KCNH5: variants seen among roughly 807,000 people sequenced by gnomAD.
The protein encoded by KCNH5 is potassium voltage-gated channel subfamily H member 5.
KCNH5 carries 46 observed loss-of-function variants against 96.1 expected under a neutral mutation model. The ratio of observed to expected loss-of-function variants is 0.48; its 90% CI spans 0.38 to 0.61. The LOEUF is 0.61. KCNH5 is among the 20% of genes least tolerant of loss of function. KCNH5 has a pLI of 0.00. For synonymous variants in KCNH5, 439 were observed against 449.8 expected (o/e 0.98, Z 0.30); for missense variants, 907 against 1,225.8 (o/e 0.74, Z 3.88).
At chr14:62,990,470 G>GA (rs959215331) in intron 4 of KCNH5, among the ~76,000 whole-genome samples, 17 of 148,926 alleles carry the variant, frequency 1.1e-4, no homozygotes, top group South Asian at 2.1e-4. Context: ...CTTTCTTGAA[G>GA]AAAAAAAATC....
chr14:62,943,161 T>G (rs1363851090), intron 7 of KCNH5, among the ~76,000 whole-genome samples: 1 of 152,122 alleles, frequency 6.6e-6, no homozygotes, highest in Non-Finnish European at 1.5e-5. Flanking sequence ...TTTTAGAAAA[T>G]TATAATGAAA....
rs921332322 is a variant in KCNH5, at chr14:62,708,967, C to T, written c.2020-512G>A. Among the ~76,000 whole-genome samples, 25 of 152,104 alleles carry T rather than the reference C, an allele frequency of 1.6e-4. 1 individual carries two copies. The highest frequency in any genetic ancestry group is 1.2e-3 in the Admixed American group (18 of 15,282). On this transcript the variant is annotated intron_variant, in intron 10 of 10. Coordinates refer to ENST00000322893, the MANE Select transcript of KCNH5 (RefSeq NM_139318.5). Reference sequence around the variant, plus strand: ...ATTTTTAATATTATCCTCTGTTGGCCGGGCGCGGCGGCTCACGCCTGTAAT... The same window carrying T: ...ATTTTTAATATTATCCTCTGTTGGCTGGGCGCGGCGGCTCACGCCTGTAAT...
At chr14:62,712,576 C>T (rs1412658338) in intron 10 of KCNH5, 1 of 713,008 alleles carries the variant, frequency 1.4e-6, no homozygotes, top group Non-Finnish European at 2.6e-6. Flanking sequence ...TTCCACTCTC[C>T]TGCTCCTCAA....
intron 10 of KCNH5, among the ~76,000 whole-genome samples, chr14:62,726,059 C>A (rs947677375): frequency 3.9e-5 from 6 of 152,128 alleles, no homozygotes; most frequent in Non-Finnish European, 8.8e-5. Context: ...AAACAATGAT[C>A]ATTTAAATAT....
intron 6 of KCNH5, among the ~76,000 whole-genome samples, chr14:62,970,828 C>T (rs1032903674): frequency 1.3e-4 from 20 of 150,874 alleles, no homozygotes; most frequent in African/African-American, 4.4e-4. Flanking sequence ...CAACAAACTA[C>T]AAGTAGAGAG....
At chr14:62,986,116 T>C (rs908075433) in intron 5 of KCNH5, among the ~76,000 whole-genome samples, 1 of 152,120 alleles carries the variant, frequency 6.6e-6, no homozygotes, top group Admixed American at 6.6e-5. Context: ...ACTTACTTAC[T>C]GCTAGGACTT....
intron 7 of KCNH5, 23 bp downstream of exon 7, chr14:62,950,110 A>C (rs1404529700): frequency 6.2e-7 from 1 of 1,605,258 alleles, no homozygotes; most frequent in Non-Finnish European, 8.5e-7. Flanking sequence ...AATAATTTTC[A>C]ATGAAAAAAT....
Position 62,856,140 on chromosome 14 carries a change from G to A in KCNH5, c.1370-6288C>T, listed in dbSNP as rs1220584109. Among the ~76,000 whole-genome samples the A allele has an allele frequency of 2.0e-5, 3 of 152,274 alleles. No individual in the cohort carries two copies. The South Asian group carries it at 6.2e-4, about 32-fold the overall frequency. On this transcript the variant is annotated intron_variant, in intron 7 of 10. Coordinates refer to ENST00000322893, the MANE Select transcript of KCNH5 (RefSeq NM_139318.5). ...ATTTGTAGAGTCAAAGAAAAATCAT[G>A]TTAAGCTAATTAACTGTAACCTGGC...
At chr14:63,039,010 CACA>C (rs35836923) in intron 1 of KCNH5, among the ~76,000 whole-genome samples, 22,278 of 151,834 alleles carry the variant, frequency 0.15, 1,940 homozygotes, top group East Asian at 0.36. Context: ...CCTCAATTTC[CACA>C]ACAATAATTG....
At chr14:62,835,346 A>G (rs1390394092) in intron 8 of KCNH5, among the ~76,000 whole-genome samples, 1 of 152,030 alleles carries the variant, frequency 6.6e-6, no homozygotes, top group Non-Finnish European at 1.5e-5. Context: ...AGGAAGAGTT[A>G]TATTTGGTGT....
intron 1 of KCNH5, among the ~76,000 whole-genome samples, chr14:63,023,474 C>T (rs1032823241): frequency 6.6e-6 from 1 of 152,062 alleles, no homozygotes; most frequent in Non-Finnish European, 1.5e-5. Context: ...TTTGTCTTTT[C>T]ATATAAATCA....
At chr14:62,900,571 A>G (rs996275748) in intron 7 of KCNH5, among the ~76,000 whole-genome samples, 19 of 152,206 alleles carry the variant, frequency 1.2e-4, no homozygotes, top group African/African-American at 3.9e-4. Context: ...ACCACATGTT[A>G]AATTTGGTGG....
chr14:63,014,614 T>C (rs1357162963), intron 2 of KCNH5, among the ~76,000 whole-genome samples: 1 of 152,016 alleles, frequency 6.6e-6, no homozygotes, highest in Non-Finnish European at 1.5e-5. Flanking sequence ...GATCCAGATA[T>C]GAAGAGTAAT....
chr14:62,712,625 C>T (rs1261337686), intron 10 of KCNH5: 11 of 762,694 alleles, frequency 1.4e-5, no homozygotes, highest in Middle Eastern at 2.3e-4. Context: ...CGTGAAAACT[C>T]GGATAGATGA....
rs754439480 is a variant in KCNH5, at chr14:62,950,200, T to G, written c.1302A>C (p.Gly434=). The G allele has an allele frequency of 3.7e-6, 6 of 1,613,776 alleles. No individual in the cohort carries two copies. The highest frequency in any genetic ancestry group is 5.1e-6 in the Non-Finnish European group (6 of 1,179,924). The change falls in exon 7 of 11, where the codon GGA becomes GGC. Residue 434 remains glycine, a synonymous_variant. Transcript: ENST00000322893. ...CTGTGGTAGGAGCTATGTTTCCAAA[T>G]CCTATGGTTGTAAGGCTTGTCATGG... ...YFTMTSLTTI[G]FGNIAPTTDV... is the part of the protein sequence containing the mutation.
chr14:62,876,335 T>A (rs1377325749), intron 7 of KCNH5, among the ~76,000 whole-genome samples: 1 of 152,220 alleles, frequency 6.6e-6, no homozygotes, highest in Non-Finnish European at 1.5e-5. Flanking sequence ...TTCTATTATA[T>A]ATTTTGTTGA....
chr14:62,977,838 G>A (rs1890530251), intron 6 of KCNH5, among the ~76,000 whole-genome samples: 1 of 152,182 alleles, frequency 6.6e-6, no homozygotes, highest in Admixed American at 6.5e-5. Flanking sequence ...ACAAAATGGG[G>A]AGGAGGGGAA....
At chr14:63,019,655 C>A (rs1212989787) in intron 1 of KCNH5, among the ~76,000 whole-genome samples, 2 of 151,756 alleles carry the variant, frequency 1.3e-5, no homozygotes, top group African/African-American at 4.8e-5. Flanking sequence ...GAAACATGAC[C>A]CCTACCTCAT....
At chr14:63,010,390 C>T (rs1015254154) in intron 2 of KCNH5, among the ~76,000 whole-genome samples, 1 of 152,188 alleles carries the variant, frequency 6.6e-6, no homozygotes, top group Non-Finnish European at 1.5e-5. Flanking sequence ...CCACCCCAGC[C>T]TCACTCCCTA....
Sources: allele counts gnomAD v4.1 joint callset (sites outside exome capture counted in the v4.1 genomes callset), GRCh38; gene constraint gnomAD v4.1.1; transcripts MANE v1.5; gene names NCBI Gene and HGNC (gene_info 2026-07-23, HGNC 2026-07-21).